ANKRD44: variants seen among roughly 807,000 people sequenced by gnomAD.
The protein encoded by ANKRD44 is serine/threonine-protein phosphatase 6 regulatory ankyrin repeat subunit B.
ANKRD44 carries 35 observed loss-of-function variants against 116.0 expected under a neutral mutation model. The ratio of observed to expected loss-of-function variants is 0.30; its 90% CI spans 0.23 to 0.40. The LOEUF (loss-of-function observed/expected upper bound fraction) is 0.40, where lower values mean the gene tolerates loss of function less well. Among genes scored for constraint, ANKRD44 ranks in the 10% least tolerant of loss-of-function variants. The pLI is 1.00. For synonymous variants in ANKRD44, 435 were observed against 461.8 expected (o/e 0.94, Z 0.74); for missense variants, 1,014 against 1,242.6 (o/e 0.82, Z 2.77).
intron 2 of ANKRD44, among the ~76,000 whole-genome samples, chr2:197,151,559 G>A (rs1401777386): frequency 6.6e-6 from 1 of 151,742 alleles, no homozygotes; most frequent in Non-Finnish European, 1.5e-5. Context: ...CAAACTCAAA[G>A]AATAAAAAAA....
intron 17 of ANKRD44, among the ~76,000 whole-genome samples, chr2:197,017,119 A>T (rs1405874204): frequency 1.3e-5 from 2 of 152,212 alleles, no homozygotes; most frequent in African/African-American, 4.8e-5. Flanking sequence ...GCAATCATAC[A>T]CTCTGTTGGT....
chr2:197,057,507 T>A (rs965792934), intron 16 of ANKRD44, among the ~76,000 whole-genome samples: 1 of 152,140 alleles, frequency 6.6e-6, no homozygotes, highest in African/African-American at 2.4e-5. Context: ...AGATCTTTAT[T>A]CTCCAGAACG....
intron 1 of ANKRD44, among the ~76,000 whole-genome samples, chr2:197,234,406 G>C (rs2125775482): frequency 6.6e-6 from 1 of 152,212 alleles, no homozygotes; most frequent in Admixed American, 6.5e-5. Flanking sequence ...TGCCCAGGCT[G>C]GTCTTGAACT....
At chr2:197,051,208 G>A (rs536942655) in intron 16 of ANKRD44, among the ~76,000 whole-genome samples, 1 of 151,878 alleles carries the variant, frequency 6.6e-6, no homozygotes, top group Non-Finnish European at 1.5e-5. Context: ...GGATCTGCCT[G>A]CCTTGGCCTC....
intron 10 of ANKRD44, among the ~76,000 whole-genome samples, chr2:197,096,852 G>A (rs1490102974): frequency 1.3e-5 from 2 of 151,870 alleles, no homozygotes; most frequent in Admixed American, 1.3e-4. Context: ...CCCTAGGGTC[G>A]TTTCCATTCT....
At chr2:196,998,212 G>T in intron 25 of ANKRD44, 125 bp downstream of exon 25, 1 of 701,782 alleles carries the variant, frequency 1.4e-6, no homozygotes, top group Non-Finnish European at 2.4e-6. Flanking sequence ...CAGTTGACAA[G>T]ACCCTGGGAA....
At chr2:197,217,964 T>C (rs2081488729) in intron 1 of ANKRD44, among the ~76,000 whole-genome samples, 2 of 152,342 alleles carry the variant, frequency 1.3e-5, no homozygotes, top group South Asian at 4.1e-4. Flanking sequence ...TTGTTCCCTC[T>C]GCTTCCTATT....
At chr2:197,096,798 A>T (rs1445174965) in intron 10 of ANKRD44, among the ~76,000 whole-genome samples, 2 of 152,092 alleles carry the variant, frequency 1.3e-5, no homozygotes, top group African/African-American at 4.8e-5. Context: ...CTTTTGGCAA[A>T]TTTAATCTTC....
intron 21 of ANKRD44, among the ~76,000 whole-genome samples, chr2:196,978,895 G>GT (rs201679539): frequency 7.2e-5 from 10 of 138,758 alleles, no homozygotes; most frequent in African/African-American, 2.2e-4. Flanking sequence ...ATCCGATATT[G>GT]TTTTAAAAAA....
At chr2:197,085,461 A>G (rs2077897053) in intron 13 of ANKRD44, among the ~76,000 whole-genome samples, 1 of 152,162 alleles carries the variant, frequency 6.6e-6, no homozygotes, top group Non-Finnish European at 1.5e-5. Flanking sequence ...ATTCTAAGTC[A>G]TAACATAAGA....
At position 197,084,456 on chromosome 2, in the gene ANKRD44, T is replaced by C. The variant is rs1040594082; in HGVS notation, c.1317-947A>G. ...TGCCTTGATTTTAGCACTGGTGTAT[T>C]GTCTCATCCTCCCCACTGAACTGCA... On this transcript the variant is annotated intron_variant, in intron 13 of 27. Transcript: ENST00000282272. Among the ~76,000 whole-genome samples the C allele has an allele frequency of 3.3e-5, 5 of 152,186 alleles. No homozygotes were observed. The East Asian group carries it at 5.8e-4, about 18-fold the overall frequency.
At position 197,310,693 on chromosome 2, in the gene ANKRD44, A is replaced by T; in HGVS notation, c.-89T>A. 8.1e-7 allele frequency: 1 copy of T among 1,240,204 alleles called. No individual in the cohort carries two copies. The allele number at this position is 1,240,204 out of a possible 1,614,324, so 76.8% of individuals were successfully genotyped here. A position where few individuals can be genotyped will look rare whatever the true frequency, so the allele number is the denominator to read the frequency against. ...CGGGGAAGCGGAAGGGATTGCCAGG[A>T]GAAGGGAAAAAATCTGGCTCCCGAA... On this transcript the variant is annotated 5_prime_UTR_variant, in exon 1 of 28. Transcript: ENST00000282272.
At chr2:196,990,074 T>G in intron 27 of ANKRD44, 1 of 1,009,964 alleles carries the variant, frequency 9.9e-7, no homozygotes, top group Non-Finnish European at 1.2e-6. Context: ...TTTCAATTCA[T>G]CTGGCAACTT....
intron 1 of ANKRD44, among the ~76,000 whole-genome samples, chr2:197,220,995 A>G (rs2081572340): frequency 6.6e-6 from 1 of 152,226 alleles, no homozygotes; most frequent in Admixed American, 6.5e-5. Flanking sequence ...CACGCCTGTA[A>G]TCCCAGCACT....
chr2:197,191,125 T>G (rs1287289951), intron 1 of ANKRD44, among the ~76,000 whole-genome samples: 12 of 152,220 alleles, frequency 7.9e-5, no homozygotes, highest in Non-Finnish European at 1.5e-4. Flanking sequence ...TTAGCATGCT[T>G]AGCAGCTGCA....
intron 13 of ANKRD44, among the ~76,000 whole-genome samples, chr2:197,084,306 C>T (rs1213526754): frequency 6.6e-6 from 1 of 152,180 alleles, no homozygotes; most frequent in Non-Finnish European, 1.5e-5. Flanking sequence ...CAGGAGTGCC[C>T]ATTCACGAAT....
At position 197,095,929 on chromosome 2, in the gene ANKRD44, C is replaced by G. The variant is rs1383253740; in HGVS notation, c.1100+3887G>C. ...ATTTTTTAAAATATTAATTTGCTAG[C>G]GTCAAAAGCCTAAGGAGTTCATCTA... is the stretch of plus-strand genomic sequence containing the variant. On this transcript the variant is annotated intron_variant, in intron 10 of 27. Transcript: ENST00000282272. Among the ~76,000 whole-genome samples, 3 of 152,162 alleles carry G rather than the reference C, an allele frequency of 2.0e-5. No homozygotes were observed. In the South Asian group the frequency reaches 6.2e-4, roughly 32 times the overall value.
Position 196,987,649 on chromosome 2 carries a change from C to A in ANKRD44, c.*1942G>T. 4 of 985,134 alleles carry A rather than the reference C, an allele frequency of 4.1e-6. No individual in the cohort carries two copies. Among genetic ancestry groups the A allele is most frequent in the Non-Finnish European group, 4.8e-6 (4 of 829,870 alleles). The allele number at this position is 985,134 out of a possible 1,614,324, so 61.0% of individuals were successfully genotyped here. A position where few individuals can be genotyped will look rare whatever the true frequency, so the allele number is the denominator to read the frequency against. On this transcript the variant is annotated 3_prime_UTR_variant, in exon 28 of 28. Coordinates refer to ENST00000282272, the MANE Select transcript of ANKRD44 (RefSeq NM_001195144.2). ...TTTTAGTAGTGATAAATAGAAATAC[C>A]CTGAGCTATTTACTGTAGAATCATA...
intron 1 of ANKRD44, among the ~76,000 whole-genome samples, chr2:197,259,808 A>G (rs1311740424): frequency 6.6e-6 from 1 of 152,228 alleles, no homozygotes; most frequent in Non-Finnish European, 1.5e-5. Context: ...CCTGGGGCAT[A>G]TAACCACCTT....
Sources: allele counts gnomAD v4.1 joint callset (sites outside exome capture counted in the v4.1 genomes callset), GRCh38; gene constraint gnomAD v4.1.1; transcripts MANE v1.5; gene names NCBI Gene and HGNC (gene_info 2026-07-23, HGNC 2026-07-21).